CACNA1D: variants seen among roughly 807,000 people sequenced by gnomAD.
CACNA1D encodes the protein voltage-dependent L-type calcium channel subunit alpha-1D.
In CACNA1D, 55 loss-of-function variants were observed where a neutral mutation model predicts 257.1. The observed-to-expected ratio is 0.21, with a 90% CI of 0.17 to 0.27. The LOEUF is 0.27. Among genes scored for constraint, CACNA1D ranks in the 10% least tolerant of loss-of-function variants. The pLI, the probability that CACNA1D is intolerant of heterozygous loss-of-function variation, is 1.00. For missense variants in CACNA1D, 1,876 were observed against 2,784.0 expected, an observed-to-expected ratio of 0.67 and a Z score of 7.34; for synonymous variants, 980 against 1,014.9, an observed-to-expected ratio of 0.97 and a Z score of 0.65.
At chr3:53,496,558 G>A (rs1206548324) in intron 1 of CACNA1D, among the ~76,000 whole-genome samples, 1 of 152,234 alleles carries the variant, frequency 6.6e-6, no homozygotes, top group African/African-American at 2.4e-5. Flanking sequence ...TGCAGGAAGT[G>A]TCAGTGCATA....
Position 53,767,536 on chromosome 3 carries a change from AGCCTGG to A in CACNA1D, c.3871-2435_3871-2430del, listed in dbSNP as rs1346355031. On this transcript the variant is annotated intron_variant, in intron 30 of 47. Coordinates refer to ENST00000350061, the MANE Select transcript of CACNA1D (RefSeq NM_001128840.3). ...AGCCAAGATCATGCCACTGCACTCCAGCCTGGGTGACAGAGGGAGACTCTATCTCAA... is the reference window on the plus strand; with the variant it reads ...AGCCAAGATCATGCCACTGCACTCCAGTGACAGAGGGAGACTCTATCTCAA... Among the ~76,000 whole-genome samples, 10 of 145,706 alleles carry A rather than the reference AGCCTGG, an allele frequency of 6.9e-5. No homozygotes were observed. In the East Asian group the frequency reaches 2.1e-3, roughly 30 times the overall value.
chr3:53,588,741 T>G (rs1326141242), intron 3 of CACNA1D, among the ~76,000 whole-genome samples: 3 of 152,210 alleles, frequency 2.0e-5, no homozygotes, highest in Non-Finnish European at 4.4e-5. Context: ...CCAGATACTT[T>G]CTAACCTTAA....
At chr3:53,587,671 C>A (rs2093241548) in intron 3 of CACNA1D, among the ~76,000 whole-genome samples, 1 of 152,132 alleles carries the variant, frequency 6.6e-6, no homozygotes, top group Admixed American at 6.6e-5. Context: ...TTCTGTGATT[C>A]TTTCGTCTTT....
chr3:53,597,703 C>T (rs1328544096), intron 3 of CACNA1D, among the ~76,000 whole-genome samples: 1 of 152,180 alleles, frequency 6.6e-6, no homozygotes, highest in East Asian at 1.9e-4. Context: ...CAGGTCGCTT[C>T]ATGAGTTCCA....
At chr3:53,600,637 T>C (rs58594748) in intron 3 of CACNA1D, among the ~76,000 whole-genome samples, 2,094 of 152,330 alleles carry the variant, frequency 0.014, 51 homozygotes, top group African/African-American at 0.048. Context: ...CTTATTATAA[T>C]GTATTTCATA....
Position 53,797,332 on chromosome 3 carries a change from C to G in CACNA1D, c.4924-2917C>G, listed in dbSNP as rs181422399. On this transcript the variant is annotated intron_variant, in intron 40 of 47. Coordinates refer to ENST00000350061, the MANE Select transcript of CACNA1D (RefSeq NM_001128840.3). ...TTCCCTCACTCCCAGTCGTGGGGGA[C>G]AGCCTGACCTGGCCCTACCCAGAAC... Among the ~76,000 whole-genome samples, 12 of 152,286 alleles carry G rather than the reference C, an allele frequency of 7.9e-5. No individual in the cohort carries two copies. The East Asian group carries it at 2.3e-3, about 29-fold the overall frequency.
At chr3:53,674,216 A>G (rs2094352166) in intron 8 of CACNA1D, among the ~76,000 whole-genome samples, 1 of 152,178 alleles carries the variant, frequency 6.6e-6, no homozygotes, top group Admixed American at 6.5e-5. Flanking sequence ...TGGCCCCTTT[A>G]GGTCACCACA....
chr3:53,688,331 C>T (rs1190541925), intron 8 of CACNA1D, among the ~76,000 whole-genome samples: 1 of 152,194 alleles, frequency 6.6e-6, no homozygotes, highest in Non-Finnish European at 1.5e-5. Flanking sequence ...AGCACAAAGG[C>T]AGGGGTCAGA....
intron 38 of CACNA1D, 22 bp downstream of exon 38, chr3:53,780,150 G>C: frequency 6.4e-7 from 1 of 1,555,648 alleles, no homozygotes. Context: ...CTGCCAGCAA[G>C]ACAAGATGGC....
At position 53,554,052 on chromosome 3, in the gene CACNA1D, T is replaced by G. The variant is rs938191410; in HGVS notation, c.483+52332T>G. 1.6e-4 allele frequency among the ~76,000 whole-genome samples: 24 copies of G among 151,730 alleles called. 1 individual carries two copies. On this transcript the variant is annotated intron_variant, in intron 3 of 47. Coordinates refer to ENST00000350061, the MANE Select transcript of CACNA1D (RefSeq NM_001128840.3). The stretch of plus-strand genomic sequence containing the variant: ...TCTACTAAAAATACAAAAAATTAGC[T>G]GGGCGTGGTGGTGGGTGCCTATAGT...
intron 20 of CACNA1D, 73 bp downstream of exon 20, chr3:53,735,576 G>A (rs2095049676): frequency 6.5e-7 from 1 of 1,540,354 alleles, no homozygotes; most frequent in East Asian, 2.3e-5. Flanking sequence ...GTAGAGATGG[G>A]AGCTGTGGAG....
intron 9 of CACNA1D, among the ~76,000 whole-genome samples, chr3:53,713,116 C>G (rs1261134210): frequency 6.6e-6 from 1 of 152,178 alleles, no homozygotes. Flanking sequence ...TGGGCAGGGG[C>G]TCACTTCTTG....
chr3:53,715,853 A>G (rs1020821), intron 9 of CACNA1D, among the ~76,000 whole-genome samples: 133,493 of 152,174 alleles, frequency 0.88, 58,662 homozygotes, highest in East Asian at 1. Context: ...GGGGAGTTCG[A>G]TTTTACTTCT....
intron 3 of CACNA1D, among the ~76,000 whole-genome samples, chr3:53,540,253 G>A (rs1343381086): frequency 6.6e-6 from 1 of 151,612 alleles, no homozygotes; most frequent in Non-Finnish European, 1.5e-5. Flanking sequence ...TGAGTAGTGG[G>A]GATTACAGAC....
At chr3:53,801,575 C>T in intron 42 of CACNA1D, 150 bp downstream of exon 42, 1 of 979,782 alleles carries the variant, frequency 1.0e-6, no homozygotes, top group East Asian at 2.4e-5. Context: ...GAGTGCCCCC[C>T]AGGTCACTGC....
At chr3:53,607,158 T>C (rs2093521210) in intron 3 of CACNA1D, among the ~76,000 whole-genome samples, 1 of 152,264 alleles carries the variant, frequency 6.6e-6, no homozygotes, top group Non-Finnish European at 1.5e-5. Flanking sequence ...CACACATATA[T>C]GCTTTTATTA....
At chr3:53,791,178 C>A (rs1439678459) in intron 40 of CACNA1D, 2 of 603,350 alleles carry the variant, frequency 3.3e-6, no homozygotes, top group Non-Finnish European at 5.9e-6. Context: ...AAGCACTCCT[C>A]CGGAAGGTGG....
At chr3:53,802,733 A>C (rs549091435) in intron 43 of CACNA1D, among the ~76,000 whole-genome samples, 1 of 152,362 alleles carries the variant, frequency 6.6e-6, no homozygotes, top group African/African-American at 2.4e-5. Flanking sequence ...GTCGGGAGCC[A>C]TGTGGGCCCA....
At chr3:53,736,538 G>A (rs891640069) in intron 20 of CACNA1D, among the ~76,000 whole-genome samples, 2 of 152,154 alleles carry the variant, frequency 1.3e-5, no homozygotes, top group African/African-American at 4.8e-5. Context: ...GGACCCTTAA[G>A]CATGTTAACT....
Sources: allele counts gnomAD v4.1 joint callset (sites outside exome capture counted in the v4.1 genomes callset), GRCh38; gene constraint gnomAD v4.1.1; transcripts MANE v1.5; gene names NCBI Gene and HGNC (gene_info 2026-07-23, HGNC 2026-07-21).